ARSF: variants seen among roughly 807,000 people sequenced by gnomAD.
ARSF encodes the protein arylsulfatase F.
A neutral mutation model predicts 35.4 loss-of-function variants in ARSF; 33 were observed. The observed-to-expected ratio is 0.93, with a 90% CI of 0.71 to 1.25. ARSF has a LOEUF of 1.25. Among genes scored for constraint, ARSF ranks in the 50% most tolerant of loss-of-function variants. The pLI is 0.00. For missense variants in ARSF, 501 were observed against 480.2 expected, an observed-to-expected ratio of 1.04 and a Z score of -0.40; for synonymous variants, 222 against 193.1, an observed-to-expected ratio of 1.15 and a Z score of -1.24.
At position 3,084,458 on chromosome X, in the gene ARSF, C is replaced by T; in HGVS notation, c.622C>T (p.Leu208=). ...IAILTLTFGK[L]SGWVSVPWLL... is the part of the protein sequence containing the mutation. ...CATCCTCACCCTAACCTTTGGGAAG[C>T]TGAGCGGCTGGGTCTCTGTTCCCTG... The change falls in exon 6 of 11, where the codon CTG becomes TTG. Residue 208 remains leucine, a synonymous_variant. Coordinates refer to ENST00000381127, the MANE Select transcript of ARSF (RefSeq NM_001201539.2). The T allele has an allele frequency of 8.3e-7, 1 of 1,211,446 alleles. No individual in the cohort carries two copies. Among genetic ancestry groups the T allele is most frequent in the Non-Finnish European group, 1.1e-6 (1 of 895,499 alleles).
At chrX:3,044,421 G>A (rs1443321125) in intron 1 of ARSF, among the ~76,000 whole-genome samples, 1 of 111,381 alleles carries the variant, frequency 9.0e-6, no homozygotes, top group Non-Finnish European at 1.9e-5. Flanking sequence ...CTCAGTGAAG[G>A]GTCAAGGTGA....
intron 1 of ARSF, among the ~76,000 whole-genome samples, chrX:3,049,605 T>TTTTTG (rs2089988959): frequency 8.9e-6 from 1 of 111,817 alleles, no homozygotes; most frequent in South Asian, 3.7e-4. Context: ...GGTATGTAGC[T>TTTTTG]TTTTGTTTTG....
intron 1 of ARSF, among the ~76,000 whole-genome samples, chrX:3,059,982 T>C (rs1410083957): frequency 8.9e-6 from 1 of 112,207 alleles, no homozygotes; most frequent in Non-Finnish European, 1.9e-5. Context: ...ACAGACTGCC[T>C]CCTCAAGTGG....
In ARSF at chrX:3,084,235, G is replaced by C. The variant is rs747773128; in HGVS notation, c.407-8G>C. 2.5e-6 allele frequency: 3 copies of C among 1,206,319 alleles called. No individual in the cohort carries two copies. Among genetic ancestry groups the C allele is most frequent in the Non-Finnish European group, 3.4e-6 (3 of 892,354 alleles). ...GATGCGTAGATGTGTTTGTGTGTTTGGTTTTAGGCAAATGGCACCAAGGCT... is the reference window on the plus strand; with the variant it reads ...GATGCGTAGATGTGTTTGTGTGTTTCGTTTTAGGCAAATGGCACCAAGGCT... On this transcript the variant is annotated splice_region_variant and splice_polypyrimidine_tract_variant and intron_variant, in intron 5 of 10. Coordinates refer to ENST00000381127, the MANE Select transcript of ARSF (RefSeq NM_001201539.2).
chrX:3,077,496 G>A (rs148325325), intron 4 of ARSF, among the ~76,000 whole-genome samples: 51 of 109,119 alleles, frequency 4.7e-4, no homozygotes, highest in African/African-American at 1.5e-3. Context: ...AAAATTAGCC[G>A]GACATGGGGG....
chrX:3,109,973 T>A (rs2090433371), intron 9 of ARSF, among the ~76,000 whole-genome samples, 155 bp from the exon 10 acceptor site: 1 of 111,622 alleles, frequency 9.0e-6, no homozygotes. Context: ...GAGTGTAATC[T>A]CCCAGAGAGC....
At chrX:3,073,118 AAATATATATTCATTTTATAT>A in intron 3 of ARSF, among the ~76,000 whole-genome samples, 1 of 99,404 alleles carries the variant, frequency 1.0e-5, no homozygotes, top group Admixed American at 1.2e-4. Flanking sequence ...AAATATATGT[AAATATATATTCATTTTATAT>A]AAATAAATAT....
At chrX:3,079,335 T>C (rs1009250865) in intron 4 of ARSF, among the ~76,000 whole-genome samples, 1 of 89,353 alleles carries the variant, frequency 1.1e-5, no homozygotes, top group African/African-American at 4.2e-5. Context: ...TTGGGTTGCA[T>C]GGTTCTATTT....
chrX:3,053,134 T>C (rs767797365), intron 1 of ARSF, among the ~76,000 whole-genome samples: 3 of 110,965 alleles, frequency 2.7e-5, no homozygotes, highest in Non-Finnish European at 5.7e-5. Flanking sequence ...ATGAGTTGCA[T>C]ATTAAATTCC....
chrX:3,065,177 T>A (rs2090058396), intron 1 of ARSF, among the ~76,000 whole-genome samples: 1 of 106,308 alleles, frequency 9.4e-6, no homozygotes, highest in South Asian at 4.2e-4. Context: ...GAGCAAACTA[T>A]CACAAGGACA....
At chrX:3,094,149 G>A (rs758309346) in intron 7 of ARSF, among the ~76,000 whole-genome samples, 5 of 111,610 alleles carry the variant, frequency 4.5e-5, no homozygotes, top group Admixed American at 9.6e-5. Flanking sequence ...CAACATCCCC[G>A]GAGACGAGTA....
chrX:3,101,039 T>C (rs767032481), intron 7 of ARSF, 48 bp from the exon 8 acceptor site: 22 of 1,162,223 alleles, frequency 1.9e-5, no homozygotes, highest in Non-Finnish European at 2.6e-5. Context: ...AGGGGTGAAA[T>C]ACCTCATAAT....
chrX:3,075,542 GTCTC>G (rs201412511), intron 3 of ARSF, among the ~76,000 whole-genome samples: 66 of 102,755 alleles, frequency 6.4e-4, no homozygotes, highest in Middle Eastern at 5.4e-3. Context: ...TTGTCTGCCT[GTCTC>G]TCTATCTCTC....
At chrX:3,086,592 G>A (rs1017368936) in intron 6 of ARSF, among the ~76,000 whole-genome samples, 1 of 111,577 alleles carries the variant, frequency 9.0e-6, no homozygotes, top group Non-Finnish European at 1.9e-5. Flanking sequence ...TGAGGTAAGC[G>A]ATCACTTAAG....
intron 5 of ARSF, among the ~76,000 whole-genome samples, chrX:3,083,481 CCTATCTAT>C (rs746160970): frequency 0.054 from 5,064 of 93,430 alleles, 118 homozygotes; most frequent in Admixed American, 0.075. Flanking sequence ...TCTCCTCTAT[CCTATCTAT>C]CTATCTATCT....
In ARSF at chrX:3,041,482, G is replaced by A. The variant is rs1182614241; in HGVS notation, c.-210G>A. 1 of 109,540 alleles carries A rather than the reference G, an allele frequency of 9.1e-6. No homozygotes were observed. The allele number at this position is 109,540 out of a possible 1,213,427, so 9.0% of individuals were successfully genotyped here. On this transcript the variant is annotated 5_prime_UTR_variant, in exon 1 of 11. Coordinates refer to ENST00000381127, the MANE Select transcript of ARSF (RefSeq NM_001201539.2). ...ATTTTTGTATTTTTAGTGGAGACAG[G>A]CTCTCACCATGTTGACCAGGCTGGT...
chrX:3,066,683 G>A (rs948845042), intron 1 of ARSF: 1 of 111,566 alleles, frequency 9.0e-6, no homozygotes, highest in African/African-American at 3.3e-5. Context: ...GCAAATGCGG[G>A]CTGCAGATTA....
chrX:3,064,437 C>T (rs1216849967), intron 1 of ARSF, among the ~76,000 whole-genome samples: 1 of 111,510 alleles, frequency 9.0e-6, no homozygotes, highest in Non-Finnish European at 1.9e-5. Context: ...GCAACAAAAG[C>T]CAAAATAGAC....
chrX:3,040,435 G>A (rs2089950788), upstream of ARSF, among the ~76,000 whole-genome samples: 1 of 110,617 alleles, frequency 9.0e-6, no homozygotes, highest in South Asian at 3.9e-4. Context: ...TTTCTCCTAG[G>A]AAGTTGTTGT....
Sources: allele counts gnomAD v4.1 joint callset (sites outside exome capture counted in the v4.1 genomes callset), GRCh38; gene constraint gnomAD v4.1.1; transcripts MANE v1.5; gene names NCBI Gene and HGNC (gene_info 2026-07-23, HGNC 2026-07-21).